SYT10: variants seen among roughly 807,000 people sequenced by gnomAD.
The protein encoded by SYT10 is synaptotagmin-10.
Under a neutral mutation model 51.1 loss-of-function variants are expected in SYT10, and 31 were observed. The ratio of observed to expected loss-of-function variants is 0.61; its 90% CI spans 0.46 to 0.82. SYT10 has a LOEUF of 0.82. SYT10 is among the 40% of genes least tolerant of loss of function. SYT10 has a pLI of 0.00. For missense variants in SYT10, 603 were observed against 634.0 expected (o/e 0.95, Z 0.53); for synonymous variants, 233 against 225.9 (o/e 1.03, Z -0.28).
chr12:33,421,822 T>C (rs549139469), intron 2 of SYT10, among the ~76,000 whole-genome samples: 2 of 152,252 alleles, frequency 1.3e-5, no homozygotes, highest in African/African-American at 4.8e-5. Context: ...GACTCTCAGA[T>C]GCATTTTTCT....
chr12:33,383,293 ATT>A (rs77485873), intron 4 of SYT10, among the ~76,000 whole-genome samples: 1 of 151,416 alleles, frequency 6.6e-6, no homozygotes, highest in Non-Finnish European at 1.5e-5. Flanking sequence ...TTTGCTATCA[ATT>A]TTTTTTTCAT....
intron 5 of SYT10, among the ~76,000 whole-genome samples, chr12:33,380,673 T>C (rs767767882): frequency 6.6e-6 from 1 of 152,150 alleles, no homozygotes. Flanking sequence ...ACCATGAATA[T>C]CATTATTATC....
chr12:33,383,656 T>C (rs1288666566), intron 4 of SYT10, among the ~76,000 whole-genome samples: 1 of 152,170 alleles, frequency 6.6e-6, no homozygotes, highest in Non-Finnish European at 1.5e-5. Flanking sequence ...CTAGGCCTTC[T>C]AATGAACAGT....
chr12:33,439,123 C>T (rs767322345), intron 1 of SYT10, among the ~76,000 whole-genome samples: 4 of 152,214 alleles, frequency 2.6e-5, no homozygotes, highest in Non-Finnish European at 5.9e-5. Context: ...GAGCGGGAGA[C>T]GGCGCCGGGA....
intron 1 of SYT10, among the ~76,000 whole-genome samples, chr12:33,430,524 A>G (rs1292672559): frequency 2.6e-5 from 4 of 152,116 alleles, no homozygotes; most frequent in Non-Finnish European, 5.9e-5. Flanking sequence ...CCTGTTCTCA[A>G]TTCCAATTTC....
chr12:33,402,535 T>C (rs1866315729), intron 3 of SYT10, among the ~76,000 whole-genome samples: 1 of 152,226 alleles, frequency 6.6e-6, no homozygotes, highest in Admixed American at 6.5e-5. Context: ...ATATACTTTA[T>C]TTCTTTGTTA....
At chr12:33,426,047 C>CT in intron 2 of SYT10, 91 bp downstream of exon 2, 1 of 1,336,428 alleles carries the variant, frequency 7.5e-7, no homozygotes, top group Non-Finnish European at 1.0e-6. Context: ...TAAAGTTTTT[C>CT]TCTCTTATGA....
intron 2 of SYT10, among the ~76,000 whole-genome samples, chr12:33,423,371 T>G (rs1866522887): frequency 2.0e-5 from 3 of 151,916 alleles, no homozygotes; most frequent in Admixed American, 6.6e-5. Context: ...GCATGTAGGT[T>G]TGATTTTGCT....
intron 2 of SYT10, among the ~76,000 whole-genome samples, chr12:33,423,153 A>T (rs1866520522): frequency 6.6e-6 from 1 of 152,182 alleles, no homozygotes; most frequent in Admixed American, 6.5e-5. Flanking sequence ...AATGCTGCTA[A>T]CTTCTAGGCC....
At chr12:33,433,942 A>T (rs2138440936) in intron 1 of SYT10, among the ~76,000 whole-genome samples, 1 of 152,262 alleles carries the variant, frequency 6.6e-6, no homozygotes, top group East Asian at 1.9e-4. Flanking sequence ...ATCACTAACT[A>T]GTGATGATTT....
intron 2 of SYT10, among the ~76,000 whole-genome samples, chr12:33,419,005 G>A (rs1184820356): frequency 1.3e-5 from 2 of 151,912 alleles, no homozygotes; most frequent in African/African-American, 2.4e-5. Flanking sequence ...CTCTTGGTGG[G>A]AACATGTAGC....
intron 3 of SYT10, among the ~76,000 whole-genome samples, chr12:33,387,935 G>T (rs1331617306): frequency 6.6e-6 from 1 of 151,950 alleles, no homozygotes; most frequent in East Asian, 1.9e-4. Flanking sequence ...TAGAGACAGG[G>T]TTTCACCATG....
chr12:33,403,249 T>G (rs200334152), intron 3 of SYT10, among the ~76,000 whole-genome samples: 58 of 117,142 alleles, frequency 5.0e-4, no homozygotes, highest in African/African-American at 1.7e-3. Context: ...TTTTTTTTTT[T>G]TGAGACAGAG....
chr12:33,396,337 A>G (rs1034695370), intron 3 of SYT10, among the ~76,000 whole-genome samples: 2 of 152,186 alleles, frequency 1.3e-5, no homozygotes, highest in African/African-American at 4.8e-5. Flanking sequence ...ATGCAAACTT[A>G]TAACAGAGAT....
intron 1 of SYT10, among the ~76,000 whole-genome samples, chr12:33,438,633 C>G (rs1353627933): frequency 6.6e-6 from 1 of 152,158 alleles, no homozygotes; most frequent in Non-Finnish European, 1.5e-5. Context: ...GGGAGGACGT[C>G]TGTGAGTTGG....
intron 1 of SYT10, among the ~76,000 whole-genome samples, chr12:33,431,184 T>C (rs1015529356): frequency 1.2e-4 from 18 of 152,212 alleles, no homozygotes; most frequent in African/African-American, 4.1e-4. Flanking sequence ...TGAGGGTATG[T>C]CATTTCATTT....
At chr12:33,430,267 T>C (rs1035947301) in intron 1 of SYT10, among the ~76,000 whole-genome samples, 26 of 152,156 alleles carry the variant, frequency 1.7e-4, no homozygotes, top group African/African-American at 6.3e-4. Context: ...TGTTTTAATA[T>C]CCCAAAATAA....
chr12:33,416,379 G>A (rs1256640211), intron 2 of SYT10, among the ~76,000 whole-genome samples: 5 of 151,872 alleles, frequency 3.3e-5, no homozygotes, highest in Non-Finnish European at 7.4e-5. Flanking sequence ...CACCACGCCC[G>A]GCCCACACCA....
intron 2 of SYT10, among the ~76,000 whole-genome samples, chr12:33,413,119 G>A (rs1433634371): frequency 6.6e-6 from 1 of 152,116 alleles, no homozygotes; most frequent in East Asian, 1.9e-4. Context: ...GAAGCGAGAA[G>A]AGAAGTTTAG....
Sources: gnomAD v4.1 joint callset for allele counts (sites outside exome capture counted in the v4.1 genomes callset) on GRCh38, gnomAD v4.1.1 for gene constraint, MANE v1.5 for transcripts, NCBI Gene and HGNC (gene_info 2026-07-23, HGNC 2026-07-21) for gene names.